Variants in COL27A1 observed in about 807,000 individuals in gnomAD.
COL27A1 encodes the protein collagen type XXVII alpha 1 chain.
In COL27A1, 106 loss-of-function variants were observed where a neutral mutation model predicts 251.3. The observed-to-expected ratio is 0.42, with a 90% CI of 0.36 to 0.50. The LOEUF is 0.50. COL27A1 is among the 20% of genes least tolerant of loss of function. COL27A1 has a pLI of 0.00. For synonymous variants in COL27A1, 1,000 were observed against 986.3 expected, an observed-to-expected ratio of 1.01 and a Z score of -0.26; for missense variants, 2,325 against 2,522.8, an observed-to-expected ratio of 0.92 and a Z score of 1.68.
At chr9:114,207,427 A>G (rs948703504) in intron 10 of COL27A1, among the ~76,000 whole-genome samples, 8 of 152,138 alleles carry the variant, frequency 5.3e-5, no homozygotes, top group African/African-American at 1.9e-4. Context: ...ATTCCCCCAG[A>G]GGGACCCCCT....
intron 49 of COL27A1, among the ~76,000 whole-genome samples, chr9:114,297,052 G>A (rs1828302426): frequency 6.6e-6 from 1 of 152,204 alleles, no homozygotes; most frequent in Non-Finnish European, 1.5e-5. Flanking sequence ...AGATGGGAGG[G>A]TAGGCAGGAA....
At chr9:114,269,418 A>C in intron 35 of COL27A1, 124 bp downstream of exon 35, 1 of 613,134 alleles carries the variant, frequency 1.6e-6, no homozygotes, top group Non-Finnish European at 2.8e-6. Flanking sequence ...TAGACTATGA[A>C]TGTCTACAGC....
At chr9:114,170,223 G>T (rs546904786) in intron 3 of COL27A1, among the ~76,000 whole-genome samples, 54 of 152,340 alleles carry the variant, frequency 3.5e-4, no homozygotes, top group Admixed American at 7.2e-4. Flanking sequence ...GGAGTTTGGG[G>T]TGCAGAAGGT....
intron 6 of COL27A1, among the ~76,000 whole-genome samples, chr9:114,195,754 C>T (rs982216684): frequency 3.3e-5 from 5 of 152,142 alleles, no homozygotes; most frequent in African/African-American, 4.8e-5. Flanking sequence ...CAGATGGAGC[C>T]GCTGAGTTGA....
At chr9:114,305,134 C>G (rs986361823) in intron 57 of COL27A1, among the ~76,000 whole-genome samples, 2 of 152,236 alleles carry the variant, frequency 1.3e-5, no homozygotes, top group Admixed American at 1.3e-4. Context: ...CCCATGTCCT[C>G]TAGTCCAGCC....
chr9:114,269,425 C>G, intron 35 of COL27A1, 131 bp downstream of exon 35: 1 of 577,468 alleles, frequency 1.7e-6, no homozygotes, highest in Non-Finnish European at 3.0e-6. Flanking sequence ...TGAATGTCTA[C>G]AGCCTCGCCC....
Position 114,250,622 on chromosome 9 carries a change from T to C in COL27A1, c.2987T>C (p.Met996Thr), listed in dbSNP as rs1588768331. ...CGGGAATGTGTCTCATAGGGATTTA[T>C]GGGATTCATTGGTCTGGTCGGGGAG... is the stretch of plus-strand genomic sequence containing the variant. ...RPGPVGEQGF[M>T]GFIGLVGEPG... Residue 996 changes from methionine to threonine, a missense_variant, in exon 25 of 61, where the codon ATG (methionine) becomes ACG (threonine). Transcript: ENST00000356083. The C allele has an allele frequency of 6.2e-7, 1 of 1,611,956 alleles. No homozygotes were observed.
At chr9:114,235,553 ACC>A in intron 16 of COL27A1, 44 bp from the exon 17 acceptor site, 1 of 1,509,190 alleles carries the variant, frequency 6.6e-7, no homozygotes, top group Non-Finnish European at 9.2e-7. Flanking sequence ...GGCTTCCAGA[ACC>A]CACGTGGCCT....
chr9:114,180,322 A>T (rs35699038), intron 4 of COL27A1, among the ~76,000 whole-genome samples: 59,238 of 152,012 alleles, frequency 0.39, 12,318 homozygotes, highest in East Asian at 0.59. Context: ...GAATATTTCT[A>T]CCAAGAAGTT....
rs1002043409 is a variant in COL27A1 at position 114,302,003 on chromosome 9, C to G, written c.4846-79C>G. ...GGCAGGTCCTGCATGCTTTGATGGT[C>G]TCCCTGGTCTCCTGACACCCTCTCA... On this transcript the variant is annotated intron_variant, in intron 55 of 60. Coordinates refer to ENST00000356083, the MANE Select transcript of COL27A1 (RefSeq NM_032888.4). 2.1e-5 allele frequency: 29 copies of G among 1,370,724 alleles called. No individual in the cohort carries two copies. In the African/African-American group the frequency reaches 3.6e-4, roughly 17 times the overall value. 84.9% of individuals were successfully genotyped at this position (1,370,724 alleles called of 1,614,324 possible). A position where few individuals can be genotyped will look rare whatever the true frequency, so the allele number is the denominator to read the frequency against.
At chr9:114,254,704 C>CATAT (rs1337077095) in intron 27 of COL27A1, among the ~76,000 whole-genome samples, 2 of 152,156 alleles carry the variant, frequency 1.3e-5, no homozygotes, top group East Asian at 1.9e-4. Context: ...GGGAAGCTCG[C>CATAT]ATAAACCTGT....
chr9:114,184,030 G>A (rs763131061), intron 5 of COL27A1, among the ~76,000 whole-genome samples: 19 of 152,174 alleles, frequency 1.2e-4, no homozygotes, highest in Non-Finnish European at 2.5e-4. Context: ...GGAAAAGAAA[G>A]TTTGTGGAAT....
At chr9:114,181,395 A>T (rs1227117427) in intron 4 of COL27A1, among the ~76,000 whole-genome samples, 1 of 152,170 alleles carries the variant, frequency 6.6e-6, no homozygotes, top group Non-Finnish European at 1.5e-5. Context: ...CAGTTCAGGC[A>T]TCAAGGAAGA....
Position 114,262,938 on chromosome 9 carries a change from A to ATT in COL27A1, c.3196-1400_3196-1399dup, listed in dbSNP as rs386415960. On this transcript the variant is annotated intron_variant, in intron 28 of 60. Coordinates refer to ENST00000356083, the MANE Select transcript of COL27A1 (RefSeq NM_032888.4). ...TATTCATTGAAAATTTCCTTGTTTG[A>ATT]TTTTTTTTTTTTTTTTTTGAGATGG... Among the ~76,000 whole-genome samples, 533 of 127,032 alleles carry ATT rather than the reference A, an allele frequency of 4.2e-3. 40 individuals are homozygous for ATT. The highest frequency in any genetic ancestry group is 0.01 in the African/African-American group (332 of 32,886). 83.3% of individuals were successfully genotyped at this position (127,032 alleles called of 152,430 possible).
intron 5 of COL27A1, among the ~76,000 whole-genome samples, chr9:114,189,710 T>C (rs879630170): frequency 5.3e-5 from 8 of 152,228 alleles, no homozygotes; most frequent in Non-Finnish European, 1.2e-4. Flanking sequence ...ACATTTCTTA[T>C]TAGGTTTATA....
chr9:114,220,004 C>T (rs992797625), intron 13 of COL27A1, among the ~76,000 whole-genome samples, 160 bp downstream of exon 13: 12 of 152,150 alleles, frequency 7.9e-5, no homozygotes, highest in East Asian at 3.9e-4. Flanking sequence ...CGTCTCTAAA[C>T]GCTAGGCTCC....
At chr9:114,310,492 T>C in intron 60 of COL27A1, 57 bp from the exon 61 acceptor site, 1 of 1,593,900 alleles carries the variant, frequency 6.3e-7, no homozygotes, top group Admixed American at 1.7e-5. Context: ...AAAATGCTCA[T>C]GATGTATGAT....
intron 44 of COL27A1, 135 bp from the exon 45 acceptor site, chr9:114,289,107 C>T (rs1827722366): frequency 7.2e-7 from 1 of 1,383,510 alleles, no homozygotes. Context: ...GTTTCTCCTG[C>T]CCTGACCCTG....
At chr9:114,160,467 C>CT (rs1465593247) in intron 1 of COL27A1, among the ~76,000 whole-genome samples, 10 of 152,072 alleles carry the variant, frequency 6.6e-5, no homozygotes, top group Admixed American at 6.5e-4. Flanking sequence ...TTTTTAAAGT[C>CT]TAGAGTCCTG....
Sources: allele counts gnomAD v4.1 joint callset (sites outside exome capture counted in the v4.1 genomes callset), GRCh38; gene constraint gnomAD v4.1.1; transcripts MANE v1.5; gene names NCBI Gene and HGNC (gene_info 2026-07-23, HGNC 2026-07-21).